GCN1: variants seen among roughly 807,000 people sequenced by gnomAD.
GCN1 encodes the protein GCN1 activator of EIF2AK4.
GCN1 carries 90 observed loss-of-function variants against 288.4 expected under a neutral mutation model. That is an observed-to-expected ratio of 0.31 (90% CI 0.26 to 0.37). The LOEUF (loss-of-function observed/expected upper bound fraction) is 0.37, where lower values mean the gene tolerates loss of function less well. GCN1 is among the 10% of genes least tolerant of loss of function. GCN1 has a pLI of 1.00. For missense variants in GCN1, 2,586 were observed against 3,419.9 expected (o/e 0.76, Z 6.08); for synonymous variants, 1,386 against 1,420.2 (o/e 0.98, Z 0.54).
Position 120,174,144 on chromosome 12 carries a change from C to T in GCN1, c.1119G>A (p.Val373=). 5 of 1,600,214 alleles carry T rather than the reference C, an allele frequency of 3.1e-6. No individual in the cohort carries two copies. Among genetic ancestry groups the T allele is most frequent in the Non-Finnish European group, 4.3e-6 (5 of 1,167,384 alleles). Residue 373 remains valine (V), a synonymous_variant, in exon 13 of 58, where the codon GTG becomes GTA. Coordinates refer to ENST00000300648, the MANE Select transcript of GCN1 (RefSeq NM_006836.2). ...LSGIGSVSHH[V]VSGPSSQVLN... ...GGACCTGACTGGAAGGTCCAGACAC[C>T]ACGTGATGACTGACGCTCCCAATCC...
rs148374886 is a variant in GCN1, at chr12:120,153,360, G to A, written c.3915C>T (p.Asn1305=). The A allele has an allele frequency of 1.7e-4, 272 of 1,614,190 alleles. 1 individual carries two copies. The African/African-American group carries it at 2.4e-3, about 14-fold the overall frequency. The change falls in exon 33 of 58, where the codon AAC becomes AAT. Residue 1305 remains asparagine, a synonymous_variant. Transcript: ENST00000300648. The surrounding 1 kb of genome is among the most constrained non-coding windows in gnomAD (Gnocchi z 4.4). ...LLPVFEEFLK[N]APNDASYDAV... is the part of the protein sequence containing the mutation. ...CATCATAGCTGGCATCATTGGGCGC[G>A]TTCTTCAGGAACTCCTCGAATACTG...
In GCN1 at chr12:120,194,664, C is replaced by T; in HGVS notation, c.18+16G>A. ...CCAGTCCCTGGCCGCGTTGGCCCCG[C>T]AGCCGCCCGCCTCACCTGCGTGTCC... is the stretch of plus-strand genomic sequence containing the variant. On this transcript the variant is annotated intron_variant, in intron 1 of 57. Transcript: ENST00000300648. 6.6e-7 allele frequency: 1 copy of T among 1,514,880 alleles called. No individual in the cohort carries two copies. Among genetic ancestry groups the T allele is most frequent in the Non-Finnish European group, 8.8e-7 (1 of 1,137,938 alleles). 93.8% of individuals were successfully genotyped at this position (1,514,880 alleles called of 1,614,324 possible).
chr12:120,138,631 A>G, intron 46 of GCN1, 64 bp downstream of exon 46: 1 of 1,502,020 alleles, frequency 6.7e-7, no homozygotes, highest in Non-Finnish European at 9.2e-7. Flanking sequence ...ATCGCCCTGT[A>G]TTTTCCATCT....
At position 120,153,959 on chromosome 12, in the gene GCN1, C is replaced by A; in HGVS notation, c.3702-50G>T. On this transcript the variant is annotated intron_variant, in intron 31 of 57. Coordinates refer to ENST00000300648, the MANE Select transcript of GCN1 (RefSeq NM_006836.2). The surrounding 1 kb of genome is among the most constrained non-coding windows in gnomAD (Gnocchi z 4.4). ...AGGAGGGGCAGTCAGGGGGCCTCCTCTGCCAGTGGAACCTCTGCTGGTGCA... is the reference window on the plus strand; with the variant it reads ...AGGAGGGGCAGTCAGGGGGCCTCCTATGCCAGTGGAACCTCTGCTGGTGCA... 6.6e-7 allele frequency: 1 copy of A among 1,509,370 alleles called. No homozygotes were observed. The highest frequency in any genetic ancestry group is 9.1e-7 in the Non-Finnish European group (1 of 1,097,264). 93.5% of individuals were successfully genotyped at this position (1,509,370 alleles called of 1,614,324 possible).
Position 120,162,879 on chromosome 12 carries a change from G to T in GCN1, c.2131C>A (p.Pro711Thr). The T allele has an allele frequency of 4.3e-6, 7 of 1,614,130 alleles. No individual in the cohort carries two copies. The highest frequency in any genetic ancestry group is 5.1e-6 in the Non-Finnish European group (6 of 1,180,008). Residue 711 changes from proline to threonine, a missense_variant, in exon 20 of 58, where the codon CCC becomes ACC. Physicochemically the swap from Pro to Thr is conservative, Grantham distance 38. Around this residue, in one of 8 missense-constraint regions of GCN1, gnomAD observed 913 missense variants for 1,107.0 expected, o/e 0.82. Coordinates refer to ENST00000300648, the MANE Select transcript of GCN1 (RefSeq NM_006836.2). ...AGGGGACTCTGTGTGGTCATCCTGG[G>T]AATGATCTGATCCAGGTGCCTGGTG... is the stretch of plus-strand genomic sequence containing the variant. Reference protein sequence around the residue: ...FITRHLDQIIPRMTTQSPLNQ... With the variant: ...FITRHLDQIITRMTTQSPLNQ...
At chr12:120,169,296 G>GAAAAA (rs767645879) in intron 15 of GCN1, among the ~76,000 whole-genome samples, 1 of 55,732 alleles carries the variant, frequency 1.8e-5, no homozygotes, top group Non-Finnish European at 3.0e-5. Context: ...AAAAAAAAAA[G>GAAAAA]AAAAAAAAAA....
chr12:120,132,894 G>A (rs749681484), intron 53 of GCN1, among the ~76,000 whole-genome samples: 5 of 152,196 alleles, frequency 3.3e-5, no homozygotes, highest in Non-Finnish European at 4.4e-5. Flanking sequence ...CTCTGAGCTC[G>A]AAGCAGAAGC....
At position 120,177,731 on chromosome 12, in the gene GCN1, T is replaced by C. The variant is rs757751062; in HGVS notation, c.682A>G (p.Met228Val). Residue 228 changes from methionine (M) to valine (V), a missense_variant, in exon 8 of 58, where the codon ATG becomes GTG. Met to Val is a conservative substitution (Grantham distance 21). Transcript: ENST00000300648. ...QHKSALLDFY[M>V]KNILMSKVKP... The stretch of plus-strand genomic sequence containing the variant: ...ACTTTGCTCATCAGGATGTTCTTCA[T>C]GTAAAAGTCCAGTAGGGCGCTCTAG... 1 of 1,613,464 alleles carries C rather than the reference T, an allele frequency of 6.2e-7. No individual in the cohort carries two copies. Among genetic ancestry groups the C allele is most frequent in the South Asian group, 1.1e-5 (1 of 91,080 alleles).
chr12:120,163,178 G>C lies in GCN1; in HGVS notation c.1930C>G (p.Gln644Glu). The change falls in exon 19 of 58, where the codon CAG becomes GAG. Residue 644 changes from glutamine to glutamate, a missense_variant. Gln to Glu is a conservative substitution (Grantham distance 29). Around this residue, in one of 8 missense-constraint regions of GCN1, gnomAD observed 913 missense variants for 1,107.0 expected, o/e 0.82. Transcript: ENST00000300648. ...GKAYVPPRVLQEALCVISGVP... is the reference protein window; with the variant it reads ...GKAYVPPRVLEEALCVISGVP... ...CCGGAGATGACACACAGAGCCTCCT[G>C]CAGGACCCGTGGAGGCACGTAGGCC... 6.2e-7 allele frequency: 1 copy of C among 1,613,798 alleles called. No homozygotes were observed. Among genetic ancestry groups the C allele is most frequent in the South Asian group, 1.1e-5 (1 of 91,080 alleles).
Position 120,155,898 on chromosome 12 carries a change from GT to G in GCN1, c.3313-180del, listed in dbSNP as rs199905038. On this transcript the variant is annotated intron_variant, in intron 28 of 57. Coordinates refer to ENST00000300648, the MANE Select transcript of GCN1 (RefSeq NM_006836.2). The surrounding 1 kb of genome is among the most constrained non-coding windows in gnomAD (Gnocchi z 4.9). ...TCCTTAGAGTGTGAGGTGGTAAAAT[GT>G]TTTTTTAATGTGAAAATTAAAACGT... Among the ~76,000 whole-genome samples, 5 of 152,160 alleles carry G rather than the reference GT, an allele frequency of 3.3e-5. No individual in the cohort carries two copies. Among genetic ancestry groups the G allele is most frequent in the South Asian group, 2.1e-4 (1 of 4,824 alleles).
At chr12:120,173,933 A>T (rs1878388333) in intron 13 of GCN1, 107 bp from the exon 14 acceptor site, 2 of 1,075,050 alleles carry the variant, frequency 1.9e-6, no homozygotes, top group Non-Finnish European at 2.8e-6. Context: ...GGAAGCAGTG[A>T]TATTTCAGAC....
intron 36 of GCN1, among the ~76,000 whole-genome samples, chr12:120,149,098 G>GGA (rs1555300292): frequency 7.8e-5 from 7 of 89,754 alleles, no homozygotes; most frequent in Non-Finnish European, 1.0e-4. Context: ...GAGCTTTCCT[G>GGA]GGGGGGGAAA....
intron 2 of GCN1, among the ~76,000 whole-genome samples, chr12:120,188,410 G>A (rs1197573203): frequency 6.7e-6 from 1 of 148,310 alleles, no homozygotes; most frequent in African/African-American, 2.5e-5. Flanking sequence ...CTCCAGCCTG[G>A]GTGACAGAGG....
rs1877283498 is a variant in GCN1 at position 120,144,094 on chromosome 12, A to G, written c.5495+212T>C. ...GGGGCTCAAGTGATCCTTCCGCCTC[A>G]GCCTCCTGTGTAGCTGGGATTACAG... is the stretch of plus-strand genomic sequence containing the variant. On this transcript the variant is annotated intron_variant, in intron 42 of 57. Coordinates refer to ENST00000300648, the MANE Select transcript of GCN1 (RefSeq NM_006836.2). This position sits in a 1 kb window ranked among gnomAD's most constrained non-coding sequence, Gnocchi z 4.7. Among the ~76,000 whole-genome samples, 1 of 152,144 alleles carries G rather than the reference A, an allele frequency of 6.6e-6. No homozygotes were observed. Among genetic ancestry groups the G allele is most frequent in the African/African-American group, 2.4e-5 (1 of 41,424 alleles).
At chr12:120,170,931 C>T (rs575083097) in intron 14 of GCN1, among the ~76,000 whole-genome samples, 2 of 151,560 alleles carry the variant, frequency 1.3e-5, no homozygotes, top group Non-Finnish European at 2.9e-5. Flanking sequence ...CAGGCTGAGG[C>T]GGGGGGGATC....
rs369061541 is a variant in GCN1, at chr12:120,156,209, G to A, written c.3312+252C>T. On this transcript the variant is annotated intron_variant, in intron 28 of 57. Coordinates refer to ENST00000300648, the MANE Select transcript of GCN1 (RefSeq NM_006836.2). The surrounding 1 kb of genome is among the most constrained non-coding windows in gnomAD (Gnocchi z 5.8). ...CTCCTCCTGCAAGTTAGCTCTGTCC[G>A]TGGAAGTACCAAGGTCCACATTCCA... Among the ~76,000 whole-genome samples, 28 of 152,310 alleles carry A rather than the reference G, an allele frequency of 1.8e-4. No individual in the cohort carries two copies. Among genetic ancestry groups the A allele is most frequent in the Middle Eastern group, 3.4e-3 (1 of 294 alleles).
intron 31 of GCN1, 117 bp from the exon 32 acceptor site, chr12:120,154,026 G>A: frequency 2.4e-6 from 2 of 817,288 alleles, no homozygotes; most frequent in Non-Finnish European, 3.8e-6. Context: ...CACTGTTTTG[G>A]GGGCAGAGAA....
chr12:120,165,593 G>A (rs1185827605), intron 16 of GCN1, among the ~76,000 whole-genome samples: 1 of 151,822 alleles, frequency 6.6e-6, no homozygotes. Context: ...TCAGCCTCCT[G>A]AGTAGCTGGG....
chr12:120,132,404 G>A lies in GCN1; in HGVS notation c.7318-382C>T, dbSNP rs368535296. On this transcript the variant is annotated intron_variant, in intron 53 of 57. Transcript: ENST00000300648. Reference sequence around the variant, plus strand: ...CCCTGTGAGGCAGGGAGGGGCGGGAGGGGCAGGAGGGGAGGCACCTGCCCC... The same window carrying A: ...CCCTGTGAGGCAGGGAGGGGCGGGAAGGGCAGGAGGGGAGGCACCTGCCCC... 3.2e-4 allele frequency among the ~76,000 whole-genome samples: 49 copies of A among 152,206 alleles called. No homozygotes were observed. The East Asian group carries it at 8.5e-3, about 26-fold the overall frequency.
Sources: allele counts gnomAD v4.1 joint callset (sites outside exome capture counted in the v4.1 genomes callset), GRCh38; gene constraint gnomAD v4.1.1; regional missense constraint gnomAD v4.1.1; non-coding constraint Gnocchi (gnomAD v3.1); transcripts MANE v1.5; gene names NCBI Gene and HGNC (gene_info 2026-07-23, HGNC 2026-07-21).